UNC5C: variants seen among roughly 807,000 people sequenced by gnomAD.
The protein encoded by UNC5C is netrin receptor UNC5C.
In UNC5C, 47 loss-of-function variants were observed where a neutral mutation model predicts 99.8. That is an observed-to-expected ratio of 0.47 (90% CI 0.37 to 0.60). UNC5C has a LOEUF of 0.60. UNC5C is among the 20% of genes least tolerant of loss of function. The pLI is 0.00. For missense variants in UNC5C, 1,062 were observed against 1,165.9 expected (o/e 0.91, Z 1.30); for synonymous variants, 487 against 452.2 (o/e 1.08, Z -0.98).
At chr4:95,336,957 T>C (rs980891423) in intron 1 of UNC5C, among the ~76,000 whole-genome samples, 2 of 151,960 alleles carry the variant, frequency 1.3e-5, no homozygotes, top group African/African-American at 4.8e-5. Flanking sequence ...GCAGCTCCTT[T>C]AGTCAATATG....
chr4:95,520,589 A>G (rs1578206701), intron 1 of UNC5C, among the ~76,000 whole-genome samples: 1 of 143,616 alleles, frequency 7.0e-6, no homozygotes, highest in African/African-American at 2.6e-5. Context: ...CAGAAAAACT[A>G]TCTAGTATTT....
chr4:95,327,965 G>A (rs1403032987), intron 2 of UNC5C, among the ~76,000 whole-genome samples: 1 of 151,310 alleles, frequency 6.6e-6, no homozygotes, highest in African/African-American at 2.4e-5. Context: ...TAAGCCATCC[G>A]TGGAGGCAAA....
intron 1 of UNC5C, among the ~76,000 whole-genome samples, chr4:95,379,107 G>C (rs936795225): frequency 6.6e-6 from 1 of 152,090 alleles, no homozygotes; most frequent in Non-Finnish European, 1.5e-5. Context: ...GATAACTGGG[G>C]CGAGGAGTAG....
At chr4:95,273,161 T>C (rs1410684288) in intron 4 of UNC5C, among the ~76,000 whole-genome samples, 1 of 152,224 alleles carries the variant, frequency 6.6e-6, no homozygotes, top group East Asian at 1.9e-4. Context: ...TGTTGATAAA[T>C]AAGATGACAG....
intron 4 of UNC5C, among the ~76,000 whole-genome samples, chr4:95,263,227 C>A (rs1328024941): frequency 6.6e-6 from 1 of 152,088 alleles, no homozygotes; most frequent in Non-Finnish European, 1.5e-5. Context: ...GTCAACAATT[C>A]TTTTTAAAGA....
At chr4:95,264,616 C>T (rs1163558614) in intron 4 of UNC5C, among the ~76,000 whole-genome samples, 1 of 152,154 alleles carries the variant, frequency 6.6e-6, no homozygotes, top group Non-Finnish European at 1.5e-5. Context: ...ATGCTTCAGA[C>T]TTCTCTTTCC....
intron 1 of UNC5C, among the ~76,000 whole-genome samples, chr4:95,390,184 G>A (rs1044952218): frequency 1.3e-5 from 2 of 152,124 alleles, no homozygotes. Flanking sequence ...GAGACATGGG[G>A]TGTCTAACTC....
intron 1 of UNC5C, among the ~76,000 whole-genome samples, chr4:95,368,460 A>G (rs1159768295): frequency 6.6e-6 from 1 of 152,178 alleles, no homozygotes; most frequent in East Asian, 1.9e-4. Context: ...AAAAGGCAAA[A>G]TTATTTCAAA....
chr4:95,484,751 C>T (rs945604838), intron 1 of UNC5C, among the ~76,000 whole-genome samples: 13 of 151,830 alleles, frequency 8.6e-5, no homozygotes, highest in Non-Finnish European at 1.5e-5. Context: ...CTGCTAAAGC[C>T]TAGCCTGTTC....
Position 95,347,927 on chromosome 4 carries a change from A to C in UNC5C, c.125-12296T>G, listed in dbSNP as rs112444888. Among the ~76,000 whole-genome samples the C allele has an allele frequency of 2.3e-3, 345 of 152,258 alleles. 2 individuals carry two copies. The highest frequency in any genetic ancestry group is 7.9e-3 in the African/African-American group (330 of 41,574). On this transcript the variant is annotated intron_variant, in intron 1 of 15. Transcript: ENST00000453304. ...GACAAATGGGTTCACATCAGGTTGA[A>C]AAGCTTCTGCACAGCAAAGGAAACA...
intron 7 of UNC5C, among the ~76,000 whole-genome samples, chr4:95,237,097 T>C (rs1739148810): frequency 6.6e-6 from 1 of 152,222 alleles, no homozygotes. Flanking sequence ...AAATGTTAAA[T>C]AAATTGTTAT....
chr4:95,200,171 T>A (rs913885519), intron 12 of UNC5C, among the ~76,000 whole-genome samples: 1 of 152,196 alleles, frequency 6.6e-6, no homozygotes, highest in Admixed American at 6.5e-5. Context: ...CCTGGAACGC[T>A]CAGTGTTCAT....
intron 1 of UNC5C, among the ~76,000 whole-genome samples, chr4:95,384,721 G>A (rs1213614359): frequency 1.3e-5 from 2 of 152,164 alleles, no homozygotes; most frequent in African/African-American, 4.8e-5. Context: ...GCGGAAGAGG[G>A]ATTGGAGGGA....
chr4:95,516,204 A>G (rs1184927478), intron 1 of UNC5C, among the ~76,000 whole-genome samples: 1 of 152,220 alleles, frequency 6.6e-6, no homozygotes, highest in African/African-American at 2.4e-5. Context: ...GCTTGAATAA[A>G]AATAAAATGT....
intron 1 of UNC5C, among the ~76,000 whole-genome samples, chr4:95,526,483 T>G (rs890440410): frequency 6.6e-6 from 1 of 152,064 alleles, no homozygotes; most frequent in African/African-American, 2.4e-5. Flanking sequence ...CACACTAATT[T>G]TAGTCAAGCT....
intron 1 of UNC5C, among the ~76,000 whole-genome samples, chr4:95,512,806 A>T (rs1201355232): frequency 2.0e-5 from 3 of 152,096 alleles, no homozygotes; most frequent in Non-Finnish European, 4.4e-5. Context: ...TAATTTTTTT[A>T]TTTTTAAAAG....
intron 4 of UNC5C, among the ~76,000 whole-genome samples, chr4:95,270,187 AG>A (rs916125056): frequency 3.3e-5 from 5 of 152,222 alleles, no homozygotes; most frequent in African/African-American, 7.2e-5. Context: ...CAATCAAAAA[AG>A]TTCTCTACTG....
chr4:95,315,128 A>C (rs1435937146), intron 2 of UNC5C, among the ~76,000 whole-genome samples: 2 of 152,192 alleles, frequency 1.3e-5, no homozygotes, highest in African/African-American at 4.8e-5. Flanking sequence ...GGACTTTATA[A>C]GTATTTTTTT....
intron 1 of UNC5C, among the ~76,000 whole-genome samples, chr4:95,532,492 A>C (rs2149493263): frequency 6.6e-6 from 1 of 151,800 alleles, no homozygotes; most frequent in Admixed American, 6.6e-5. Context: ...GCTGTGTGCC[A>C]AAAGCTGTAT....
Sources: allele counts gnomAD v4.1 joint callset (sites outside exome capture counted in the v4.1 genomes callset), GRCh38; gene constraint gnomAD v4.1.1; transcripts MANE v1.5; gene names NCBI Gene and HGNC (gene_info 2026-07-23, HGNC 2026-07-21).